The following RBFOX1 variants were observed in gnomAD, a reference collection of about 807,000 sequenced individuals.
RBFOX1 encodes RNA binding fox-1 homolog 1.
In RBFOX1, 8 loss-of-function variants were observed where a neutral mutation model predicts 57.7. The ratio of observed to expected loss-of-function variants is 0.14; its 90% CI spans 0.08 to 0.25. The LOEUF (loss-of-function observed/expected upper bound fraction) is 0.25, where lower values mean the gene tolerates loss of function less well. RBFOX1 is among the 10% of genes least tolerant of loss of function. The pLI, the probability that RBFOX1 is intolerant of heterozygous loss-of-function variation, is 1.00. For synonymous variants in RBFOX1, 326 were observed against 222.4 expected, an observed-to-expected ratio of 1.47 and a Z score of -4.15; for missense variants, 611 against 548.5, an observed-to-expected ratio of 1.11 and a Z score of -1.14.
At chr16:6,152,780 G>C (rs376703566) in intron 1 of RBFOX1, among the ~76,000 whole-genome samples, 1 of 152,214 alleles carries the variant, frequency 6.6e-6, no homozygotes, top group African/African-American at 2.4e-5. Flanking sequence ...AGACCCCAGA[G>C]AGCTCCTGTT....
At chr16:5,895,928 A>G (rs958494572) in intron 4 of RBFOX1, among the ~76,000 whole-genome samples, 2 of 152,222 alleles carry the variant, frequency 1.3e-5, no homozygotes, top group African/African-American at 4.8e-5. Flanking sequence ...AAAGAATGGA[A>G]GAATGAAGTC....
chr16:6,645,427 A>G (rs1170412691), intron 2 of RBFOX1, among the ~76,000 whole-genome samples: 1 of 152,112 alleles, frequency 6.6e-6, no homozygotes, highest in African/African-American at 2.4e-5. Context: ...GGGAATCTTT[A>G]AGTGCCAGAT....
At chr16:6,719,880 G>C (rs2154160956) in intron 3 of RBFOX1, among the ~76,000 whole-genome samples, 1 of 152,046 alleles carries the variant, frequency 6.6e-6, no homozygotes, top group South Asian at 2.1e-4. Context: ...ATCACCTGAG[G>C]TCAGGAGTTC....
intron 1 of RBFOX1, among the ~76,000 whole-genome samples, chr16:5,453,213 G>A (rs9921498): frequency 0.1 from 15,585 of 152,138 alleles, 853 homozygotes; most frequent in Middle Eastern, 0.17. Context: ...TGAGTTTATA[G>A]TGAGGAAACA....
intron 2 of RBFOX1, among the ~76,000 whole-genome samples, chr16:6,507,189 A>G (rs1207055910): frequency 2.0e-5 from 3 of 152,152 alleles, no homozygotes; most frequent in Admixed American, 6.5e-5. Flanking sequence ...CAGACATCCC[A>G]AGACCTAGTT....
intron 4 of RBFOX1, among the ~76,000 whole-genome samples, chr16:7,447,485 A>G (rs892143804): frequency 6.6e-5 from 10 of 151,256 alleles, no homozygotes; most frequent in East Asian, 2.0e-4. Context: ...TTACTAGTGC[A>G]GAGTTGCAGA....
At chr16:6,257,335 C>T (rs917345385) in intron 1 of RBFOX1, among the ~76,000 whole-genome samples, 31 of 152,072 alleles carry the variant, frequency 2.0e-4, no homozygotes, top group African/African-American at 7.0e-4. Context: ...TAAATTCACT[C>T]CCAGCAGGGA....
At position 7,187,690 on chromosome 16, in the gene RBFOX1, C is replaced by CAAAAAAA. The variant is rs536529201; in HGVS notation, c.27+135621_27+135627dup. Among the ~76,000 whole-genome samples the CAAAAAAA allele has an allele frequency of 1.5e-4, 11 of 72,568 alleles. 1 individual carries two copies. Among genetic ancestry groups the CAAAAAAA allele is most frequent in the Admixed American group, 2.3e-4 (1 of 4,346 alleles). 47.6% of individuals were successfully genotyped at this position (72,568 alleles called of 152,430 possible). A position where few individuals can be genotyped will look rare whatever the true frequency, so the allele number is the denominator to read the frequency against. ...GGCAACAGAATGAGACTCTGTCTCACAAAAAAAAAAAAAAAAAAAAAAAAA... is the reference window on the plus strand; with the variant it reads ...GGCAACAGAATGAGACTCTGTCTCACAAAAAAAAAAAAAAAAAAAAAAAAAAAAAAAA... On this transcript the variant is annotated intron_variant, in intron 4 of 15. Coordinates refer to ENST00000550418, the MANE Select transcript of RBFOX1 (RefSeq NM_018723.4).
At chr16:6,770,651 C>T (rs958188595) in intron 3 of RBFOX1, among the ~76,000 whole-genome samples, 1 of 152,078 alleles carries the variant, frequency 6.6e-6, no homozygotes, top group Non-Finnish European at 1.5e-5. Context: ...GCTGCAGAGC[C>T]TTCCTGGGAG....
At chr16:6,653,343 C>G (rs567705469) in intron 2 of RBFOX1, among the ~76,000 whole-genome samples, 21 of 152,268 alleles carry the variant, frequency 1.4e-4, no homozygotes, top group Admixed American at 5.9e-4. Context: ...GTAAGCATCA[C>G]CAGGGCGGGC....
At chr16:5,952,517 C>T (rs2059541956) in intron 4 of RBFOX1, among the ~76,000 whole-genome samples, 1 of 152,152 alleles carries the variant, frequency 6.6e-6, no homozygotes, top group Non-Finnish European at 1.5e-5. Context: ...GAACCACTGA[C>T]CTCAGGTGAT....
At chr16:7,270,118 G>C (rs991810615) in intron 4 of RBFOX1, among the ~76,000 whole-genome samples, 1 of 152,206 alleles carries the variant, frequency 6.6e-6, no homozygotes, top group Non-Finnish European at 1.5e-5. Context: ...ACTTCTCGTT[G>C]AGAGGTGGAG....
At position 6,304,416 on chromosome 16, in the gene RBFOX1, C is replaced by G. The variant is rs185703944; in HGVS notation, c.-126-12579C>G. On this transcript the variant is annotated intron_variant, in intron 1 of 15. Coordinates refer to ENST00000550418, the MANE Select transcript of RBFOX1 (RefSeq NM_018723.4). ...GCTCCCAGATTACTGTATCCCTCCT[C>G]CGTCTCACCTCCATGGAACTGGTGG... 6.6e-5 allele frequency among the ~76,000 whole-genome samples: 10 copies of G among 152,246 alleles called. No homozygotes were observed. The East Asian group carries it at 1.7e-3, about 27-fold the overall frequency.
At chr16:7,133,975 C>T (rs2071223210) in intron 4 of RBFOX1, among the ~76,000 whole-genome samples, 1 of 152,146 alleles carries the variant, frequency 6.6e-6, no homozygotes, top group African/African-American at 2.4e-5. Context: ...TAACATTAGG[C>T]TCTGCGGCAT....
chr16:5,475,503 A>G (rs2069290328), intron 2 of RBFOX1, among the ~76,000 whole-genome samples: 1 of 152,250 alleles, frequency 6.6e-6, no homozygotes, highest in South Asian at 2.1e-4. Flanking sequence ...CTTCCCAGGC[A>G]TTGTCAACTA....
At chr16:7,544,336 G>A (rs1313321263) in intron 5 of RBFOX1, among the ~76,000 whole-genome samples, 2 of 152,180 alleles carry the variant, frequency 1.3e-5, no homozygotes, top group African/African-American at 4.8e-5. Flanking sequence ...TTGATTTAAT[G>A]TACTGAGTGA....
intron 2 of RBFOX1, among the ~76,000 whole-genome samples, chr16:6,632,202 T>G (rs10163363): frequency 0.98 from 149,130 of 152,206 alleles, 73,136 homozygotes; most frequent in East Asian, 1. Context: ...TCGGGTTTCT[T>G]TAGAAGGAAA....
intron 3 of RBFOX1, among the ~76,000 whole-genome samples, chr16:5,657,179 C>G (rs2049458762): frequency 6.6e-6 from 1 of 152,148 alleles, no homozygotes; most frequent in African/African-American, 2.4e-5. Flanking sequence ...TAGTTTTTCT[C>G]TGGGAATGAT....
At chr16:5,808,139 C>G (rs1178350194) in intron 3 of RBFOX1, among the ~76,000 whole-genome samples, 1 of 152,128 alleles carries the variant, frequency 6.6e-6, no homozygotes, top group East Asian at 1.9e-4. Flanking sequence ...AGATAGGATT[C>G]CAAAGAAGTA....
Sources: gnomAD v4.1 joint callset for allele counts (sites outside exome capture counted in the v4.1 genomes callset) on GRCh38, gnomAD v4.1.1 for gene constraint, MANE v1.5 for transcripts, NCBI Gene and HGNC (gene_info 2026-07-23, HGNC 2026-07-21) for gene names.